The following CADM1 variants were observed in gnomAD, a reference collection of about 807,000 sequenced individuals.
CADM1 encodes the protein TSLC-1.
A neutral mutation model predicts 53.1 loss-of-function variants in CADM1; 15 were observed. That is an observed-to-expected ratio of 0.28 (90% CI 0.19 to 0.44). The LOEUF is 0.44. Ranked by LOEUF, CADM1 falls within the 20% of genes least tolerant of loss-of-function variation. The pLI, the probability that CADM1 is intolerant of heterozygous loss-of-function variation, is 1.00. For synonymous variants in CADM1, 281 were observed against 243.0 expected (o/e 1.16, Z -1.45); for missense variants, 434 against 611.3 (o/e 0.71, Z 3.06).
At chr11:115,187,551 T>C (rs918516390) in intron 10 of CADM1, among the ~76,000 whole-genome samples, 6 of 152,000 alleles carry the variant, frequency 3.9e-5, no homozygotes, top group African/African-American at 1.4e-4. Flanking sequence ...AGTCAACCCC[T>C]GCTCCCCCGC....
intron 3 of CADM1, among the ~76,000 whole-genome samples, chr11:115,233,871 C>G (rs1941915299): frequency 1.3e-5 from 2 of 152,180 alleles, no homozygotes; most frequent in Admixed American, 1.3e-4. Context: ...TAGTATGTGA[C>G]AAAGAGGGCA....
chr11:115,178,100 C>G (rs79072592), intron 11 of CADM1, among the ~76,000 whole-genome samples: 1 of 152,176 alleles, frequency 6.6e-6, no homozygotes, highest in African/African-American at 2.4e-5. Context: ...CAATTTAAAT[C>G]AATTGCACTG....
chr11:115,221,475 T>C (rs11215426), intron 5 of CADM1, among the ~76,000 whole-genome samples: 8,742 of 152,234 alleles, frequency 0.057, 365 homozygotes, highest in Admixed American at 0.14. Flanking sequence ...GACATTCTGA[T>C]TTGATGAGAC....
intron 1 of CADM1, among the ~76,000 whole-genome samples, chr11:115,286,922 T>C (rs968093164): frequency 1.3e-5 from 2 of 152,218 alleles, no homozygotes; most frequent in Non-Finnish European, 2.9e-5. Context: ...TCAGCAAAAG[T>C]ACATTCGCCT....
rs181143056 is a variant in CADM1 at position 115,275,260 on chromosome 11, C to T, written c.125-34840G>A. Among the ~76,000 whole-genome samples the T allele has an allele frequency of 2.6e-3, 396 of 152,306 alleles. 1 individual carries two copies. The highest frequency in any genetic ancestry group is 0.01 in the Middle Eastern group (3 of 294). Reference sequence around the variant, plus strand: ...CCTCCTCTCGCCCACGTCTTTCTCACCCCTTGGCTGCCCAATCAATTCCAA... The same window carrying T: ...CCTCCTCTCGCCCACGTCTTTCTCATCCCTTGGCTGCCCAATCAATTCCAA... On this transcript the variant is annotated intron_variant, in intron 1 of 11. Transcript: ENST00000331581.
intron 3 of CADM1, among the ~76,000 whole-genome samples, chr11:115,232,302 A>C (rs1941848247): frequency 2.0e-5 from 3 of 152,176 alleles, no homozygotes; most frequent in Admixed American, 2.0e-4. Context: ...TGCACAGAAA[A>C]ATTGTCTCAA....
chr11:115,196,780 T>G (rs1167991496), intron 9 of CADM1, among the ~76,000 whole-genome samples: 1 of 152,054 alleles, frequency 6.6e-6, no homozygotes, highest in East Asian at 1.9e-4. Context: ...TAAAGTATCT[T>G]AAAAAGAAAC....
At chr11:115,476,300 T>C (rs541175606) in intron 1 of CADM1, among the ~76,000 whole-genome samples, 90 of 152,358 alleles carry the variant, frequency 5.9e-4, no homozygotes, top group Non-Finnish European at 1.2e-3. Context: ...TAAAATTATC[T>C]TGGTCAAAGT....
At chr11:115,247,296 T>C (rs1248640446) in intron 1 of CADM1, among the ~76,000 whole-genome samples, 6 of 152,196 alleles carry the variant, frequency 3.9e-5, no homozygotes, top group Admixed American at 3.3e-4. Flanking sequence ...TTTTCAGTCT[T>C]ATTGGGCATT....
intron 1 of CADM1, among the ~76,000 whole-genome samples, chr11:115,324,212 C>T (rs1388491400): frequency 6.6e-6 from 1 of 152,168 alleles, no homozygotes; most frequent in African/African-American, 2.4e-5. Context: ...CTTCAACACC[C>T]TTAATGTACC....
At chr11:115,388,068 C>T (rs930022961) in intron 1 of CADM1, among the ~76,000 whole-genome samples, 1 of 151,990 alleles carries the variant, frequency 6.6e-6, no homozygotes, top group African/African-American at 2.4e-5. Context: ...ATTAGAAGAA[C>T]ACAAGAGACA....
At chr11:115,281,342 G>C (rs1233789589) in intron 1 of CADM1, among the ~76,000 whole-genome samples, 1 of 152,198 alleles carries the variant, frequency 6.6e-6, no homozygotes, top group Admixed American at 6.5e-5. Flanking sequence ...TCAGCCAAAA[G>C]AGTTTAATTT....
At chr11:115,250,711 GCTT>G (rs370163305) in intron 1 of CADM1, among the ~76,000 whole-genome samples, 1 of 152,116 alleles carries the variant, frequency 6.6e-6, no homozygotes, top group South Asian at 2.1e-4. Flanking sequence ...AAGGCGCTAT[GCTT>G]CTTTTTTTTC....
chr11:115,179,453 T>G (rs1939206297), intron 10 of CADM1, among the ~76,000 whole-genome samples: 2 of 152,212 alleles, frequency 1.3e-5, no homozygotes, highest in African/African-American at 2.4e-5. Context: ...GCAATTAATT[T>G]TCCTTTATAA....
At chr11:115,369,191 T>C (rs1469228573) in intron 1 of CADM1, among the ~76,000 whole-genome samples, 1 of 152,034 alleles carries the variant, frequency 6.6e-6, no homozygotes, top group African/African-American at 2.4e-5. Context: ...AATAGCCCAA[T>C]CTCACTGCAA....
intron 1 of CADM1, among the ~76,000 whole-genome samples, chr11:115,343,871 G>A (rs1240653436): frequency 6.6e-6 from 1 of 152,060 alleles, no homozygotes; most frequent in African/African-American, 2.4e-5. Flanking sequence ...TCTCTAATAG[G>A]AGTTACGATT....
chr11:115,207,741 G>C (rs977083562), intron 8 of CADM1, among the ~76,000 whole-genome samples: 5 of 152,164 alleles, frequency 3.3e-5, no homozygotes, highest in Non-Finnish European at 7.4e-5. Flanking sequence ...GCACCTTCTA[G>C]AATGAGTGGT....
intron 1 of CADM1, among the ~76,000 whole-genome samples, chr11:115,301,916 T>C (rs1202182117): frequency 1.3e-5 from 2 of 152,136 alleles, no homozygotes; most frequent in East Asian, 1.9e-4. Flanking sequence ...AGAACATATA[T>C]ATTTCTTAAA....
chr11:115,431,065 C>G (rs1009189083), intron 1 of CADM1, among the ~76,000 whole-genome samples: 1 of 152,028 alleles, frequency 6.6e-6, no homozygotes, highest in Admixed American at 6.6e-5. Context: ...CTTTCACCAC[C>G]TTAATTACAT....
Sources: allele counts gnomAD v4.1 joint callset (sites outside exome capture counted in the v4.1 genomes callset), GRCh38; gene constraint gnomAD v4.1.1; transcripts MANE v1.5; gene names NCBI Gene and HGNC (gene_info 2026-07-23, HGNC 2026-07-21).